The following ITGB3BP variants were observed in gnomAD, a reference collection of about 807,000 sequenced individuals.
The protein encoded by ITGB3BP is integrin subunit beta 3 binding protein, also known as centromere protein R.
Under a neutral mutation model 29.1 loss-of-function variants are expected in ITGB3BP, and 27 were observed. That is an observed-to-expected ratio of 0.93 (90% confidence interval 0.68 to 1.28). ITGB3BP has a LOEUF of 1.28. ITGB3BP is among the 50% of genes most tolerant of loss of function. The pLI is 0.00. For synonymous variants in ITGB3BP, 61 were observed against 61.4 expected (o/e 0.99, Z 0.03); for missense variants, 192 against 200.2 (o/e 0.96, Z 0.25).
intron 1 of ITGB3BP, among the ~76,000 whole-genome samples, chr1:63,516,244 A>G (rs1362785070): frequency 7.1e-6 from 1 of 141,148 alleles, no homozygotes; most frequent in Non-Finnish European, 1.5e-5. Flanking sequence ...GGTTGTGGTG[A>G]GCAAACTGCA....
At chr1:63,507,361 T>C (rs1366780422) in intron 2 of ITGB3BP, among the ~76,000 whole-genome samples, 1 of 152,174 alleles carries the variant, frequency 6.6e-6, no homozygotes, top group Non-Finnish European at 1.5e-5. Context: ...CATCTTCATC[T>C]GAAGAAAAAA....
intron 3 of ITGB3BP, among the ~76,000 whole-genome samples, chr1:63,486,719 A>C (rs749543723): frequency 1.2e-4 from 18 of 152,036 alleles, no homozygotes; most frequent in Non-Finnish European, 2.4e-4. Context: ...TTCCAGCATC[A>C]CTAGTGGCAC....
chr1:63,443,833 A>G (rs1355760966), intron 8 of ITGB3BP, among the ~76,000 whole-genome samples: 1 of 152,004 alleles, frequency 6.6e-6, no homozygotes, highest in African/African-American at 2.4e-5. Flanking sequence ...ATCCCTAGAA[A>G]GGTAGAAGAA....
chr1:63,504,340 G>C (rs1451100396), intron 2 of ITGB3BP, among the ~76,000 whole-genome samples: 4 of 151,896 alleles, frequency 2.6e-5, no homozygotes, highest in African/African-American at 4.9e-5. Flanking sequence ...AAGAATGCTT[G>C]TGATTTTTGT....
chr1:63,511,818 C>T (rs1034285420), intron 1 of ITGB3BP, among the ~76,000 whole-genome samples: 3 of 151,850 alleles, frequency 2.0e-5, no homozygotes, highest in Admixed American at 6.6e-5. Flanking sequence ...TGGGTACAGA[C>T]TTTCAGTTTT....
At chr1:63,452,847 C>A (rs996079330) in intron 7 of ITGB3BP, among the ~76,000 whole-genome samples, 1 of 152,092 alleles carries the variant, frequency 6.6e-6, no homozygotes, top group African/African-American at 2.4e-5. Context: ...GGCTGGCAAT[C>A]CCAGCACTTT....
chr1:63,512,912 T>C (rs1197487712), intron 1 of ITGB3BP, among the ~76,000 whole-genome samples: 2 of 152,220 alleles, frequency 1.3e-5, no homozygotes, highest in African/African-American at 4.8e-5. Flanking sequence ...AACCTTTTGT[T>C]TTCCTTGACC....
intron 2 of ITGB3BP, among the ~76,000 whole-genome samples, chr1:63,504,299 A>AG (rs1646017142): frequency 6.6e-6 from 1 of 151,784 alleles, no homozygotes; most frequent in Non-Finnish European, 1.5e-5. Context: ...TTCACTCATG[A>AG]TTTGGCTCTG....
At chr1:63,525,061 C>T (rs545401717), upstream of ITGB3BP, among the ~76,000 whole-genome samples, 1 of 152,090 alleles carries the variant, frequency 6.6e-6, no homozygotes, top group Non-Finnish European at 1.5e-5. Flanking sequence ...CCACTCATAT[C>T]CCGATTCTCA....
chr1:63,452,760 C>T (rs1264578040), intron 7 of ITGB3BP, among the ~76,000 whole-genome samples: 1 of 152,118 alleles, frequency 6.6e-6, no homozygotes, highest in Non-Finnish European at 1.5e-5. Context: ...TATTCAGCTC[C>T]CTTCCCACAT....
chr1:63,516,078 C>G (rs1448302752), intron 1 of ITGB3BP, among the ~76,000 whole-genome samples: 1 of 151,016 alleles, frequency 6.6e-6, no homozygotes, highest in Non-Finnish European at 1.5e-5. Flanking sequence ...TGTTGTTCTG[C>G]AACAACATGA....
At chr1:63,467,455 T>TC (rs529718582) in intron 4 of ITGB3BP, among the ~76,000 whole-genome samples, 231 of 151,578 alleles carry the variant, frequency 1.5e-3, no homozygotes, top group Non-Finnish European at 2.7e-3. Flanking sequence ...GCCCTAGTGA[T>TC]CCTCCCACCT....
At chr1:63,525,656 A>G, upstream of ITGB3BP, 1 of 1,602,190 alleles carries the variant, frequency 6.2e-7, no homozygotes. Flanking sequence ...AGAAATTTCC[A>G]CTAACTGAAG....
At chr1:63,461,635 AATTTTTACAT>A (rs1410295993) in intron 4 of ITGB3BP, among the ~76,000 whole-genome samples, 1 of 152,142 alleles carries the variant, frequency 6.6e-6, no homozygotes, top group Non-Finnish European at 1.5e-5. Context: ...ATTTTGATTT[AATTTTTACAT>A]ATGCTGTGAG....
intron 3 of ITGB3BP, among the ~76,000 whole-genome samples, chr1:63,485,474 T>C (rs1645510216): frequency 6.6e-6 from 1 of 150,506 alleles, no homozygotes; most frequent in Non-Finnish European, 1.5e-5. Flanking sequence ...TAACCTGCCC[T>C]CCAATTTTTT....
At chr1:63,482,631 C>CA (rs1001278463) in intron 3 of ITGB3BP, among the ~76,000 whole-genome samples, 15 of 145,342 alleles carry the variant, frequency 1.0e-4, no homozygotes, top group African/African-American at 3.5e-4. Context: ...GATCAACTCA[C>CA]AAAAAATAAC....
At position 63,446,816 on chromosome 1, in the gene ITGB3BP, A is replaced by G; in HGVS notation, c.525T>C (p.Ile175=). Residue 175 remains isoleucine, a synonymous_variant, in exon 8 of 9, where the codon ATT becomes ATC. Coordinates refer to ENST00000271002, the MANE Select transcript of ITGB3BP (RefSeq NM_014288.5). ...HLDSYEFLKA[I]LN ...AAGGTGAAACAGTACCTCAGTTTAAAATGGCTTTAAGGAATTCATAGCTGT... is the reference window on the plus strand; with the variant it reads ...AAGGTGAAACAGTACCTCAGTTTAAGATGGCTTTAAGGAATTCATAGCTGT... 1 of 1,609,994 alleles carries G rather than the reference A, an allele frequency of 6.2e-7. No individual in the cohort carries two copies. The highest frequency in any genetic ancestry group is 8.5e-7 in the Non-Finnish European group (1 of 1,176,534).
At chr1:63,528,073 C>G (rs994338263), upstream of ITGB3BP, 74 of 152,310 alleles carry the variant, frequency 4.9e-4, no homozygotes, top group African/African-American at 1.7e-3. Context: ...CATCCTACTG[C>G]TTGGTATATA....
rs1218290963 is a variant in ITGB3BP, at chr1:63,522,857, T to A, written c.5+272A>T. On this transcript the variant is annotated intron_variant, in intron 1 of 8. Coordinates refer to ENST00000271002, the MANE Select transcript of ITGB3BP (RefSeq NM_014288.5). ...TGTGTGTCAACCTTATTTATGTTAT[T>A]TCAAGTTAGACATCACCTAAATACA... 1.6e-5 allele frequency: 10 copies of A among 613,652 alleles called. 1 individual carries two copies. The highest frequency in any genetic ancestry group is 2.7e-5 in the Non-Finnish European group (9 of 330,542). 38.0% of individuals were successfully genotyped at this position (613,652 alleles called of 1,614,324 possible). A position where few individuals can be genotyped will look rare whatever the true frequency, so the allele number is the denominator to read the frequency against.
Sources: allele counts gnomAD v4.1 joint callset (sites outside exome capture counted in the v4.1 genomes callset), GRCh38; gene constraint gnomAD v4.1.1; transcripts MANE v1.5; gene names NCBI Gene and HGNC (gene_info 2026-07-23, HGNC 2026-07-21).